HMBOX1: variants seen among roughly 807,000 people sequenced by gnomAD.
HMBOX1 encodes the protein homeobox-containing protein 1.
In HMBOX1, 14 loss-of-function variants were observed where a neutral mutation model predicts 54.5. That is an observed-to-expected ratio of 0.26 (90% CI 0.17 to 0.40). HMBOX1 has a LOEUF of 0.40. HMBOX1 is among the 10% of genes least tolerant of loss of function. HMBOX1 has a pLI of 1.00. For synonymous variants in HMBOX1, 160 were observed against 181.0 expected (o/e 0.88, Z 0.93); for missense variants, 332 against 514.4 (o/e 0.65, Z 3.43).
intron 1 of HMBOX1, among the ~76,000 whole-genome samples, chr8:28,941,147 C>G (rs1425730378): frequency 6.6e-6 from 1 of 152,072 alleles, no homozygotes; most frequent in Non-Finnish European, 1.5e-5. Flanking sequence ...TCAGAAAGCT[C>G]TATGGTTTCA....
intron 1 of HMBOX1, among the ~76,000 whole-genome samples, chr8:28,901,329 A>G (rs1021462200): frequency 1.3e-5 from 2 of 151,994 alleles, no homozygotes; most frequent in Non-Finnish European, 2.9e-5. Flanking sequence ...AATTTTTTCT[A>G]TACAAGTGTT....
At chr8:28,897,139 C>T (rs1164394689) in intron 1 of HMBOX1, among the ~76,000 whole-genome samples, 1 of 152,028 alleles carries the variant, frequency 6.6e-6, no homozygotes, top group Non-Finnish European at 1.5e-5. Context: ...GCATGCGCCA[C>T]CATGCCCGGC....
chr8:29,038,225 T>A (rs1237148111), intron 6 of HMBOX1, among the ~76,000 whole-genome samples: 1 of 152,212 alleles, frequency 6.6e-6, no homozygotes, highest in East Asian at 1.9e-4. Context: ...TCATCTCTTA[T>A]AAATTATTTT....
chr8:29,025,876 C>T (rs999132612), intron 6 of HMBOX1, among the ~76,000 whole-genome samples: 1 of 152,104 alleles, frequency 6.6e-6, no homozygotes, highest in African/African-American at 2.4e-5. Context: ...CTATACCTTT[C>T]TGGTTTATTT....
chr8:28,901,535 A>G (rs1813229336), intron 1 of HMBOX1, among the ~76,000 whole-genome samples: 1 of 152,158 alleles, frequency 6.6e-6, no homozygotes, highest in African/African-American at 2.4e-5. Flanking sequence ...TATTGTCTAT[A>G]GTTGCCATCC....
At position 29,051,299 on chromosome 8, in the gene HMBOX1, T is replaced by C; in HGVS notation, c.*144T>C. On this transcript the variant is annotated 3_prime_UTR_variant, in exon 10 of 10. Coordinates refer to ENST00000287701, the MANE Select transcript of HMBOX1 (RefSeq NM_001135726.3). ...CTGTTAGGGTCTTGTTCTGTGAAGA[T>C]GGCATGGTGCCCTCAGCCTTTGCAT... The C allele has an allele frequency of 1.2e-6, 1 of 833,966 alleles. No individual in the cohort carries two copies. The highest frequency in any genetic ancestry group is 1.7e-5 in the South Asian group (1 of 58,336). The allele number at this position is 833,966 out of a possible 1,614,324, so 51.7% of individuals were successfully genotyped here.
At chr8:28,994,173 A>C (rs1225345958) in intron 4 of HMBOX1, among the ~76,000 whole-genome samples, 4 of 151,608 alleles carry the variant, frequency 2.6e-5, no homozygotes, top group Admixed American at 1.3e-4. Flanking sequence ...TCACCAAAAA[A>C]AAAAAAAGGC....
At chr8:28,958,246 C>T (rs886475786) in intron 1 of HMBOX1, among the ~76,000 whole-genome samples, 6 of 152,166 alleles carry the variant, frequency 3.9e-5, no homozygotes, top group Non-Finnish European at 8.8e-5. Flanking sequence ...GGATTACAAA[C>T]GTGAGCCACT....
intron 4 of HMBOX1, among the ~76,000 whole-genome samples, chr8:28,990,086 AT>A (rs904797207): frequency 3.9e-5 from 6 of 152,022 alleles, no homozygotes; most frequent in African/African-American, 1.4e-4. Flanking sequence ...GCTTTAAAAC[AT>A]TTTTTTTGTT....
At chr8:29,003,392 G>T (rs1832924609) in intron 4 of HMBOX1, among the ~76,000 whole-genome samples, 1 of 150,886 alleles carries the variant, frequency 6.6e-6, no homozygotes, top group Non-Finnish European at 1.5e-5. Context: ...GATTTACAAT[G>T]TACTATATGA....
At position 28,963,905 on chromosome 8, in the gene HMBOX1, CTTTTTGA is replaced by C. The variant is rs1190429439; in HGVS notation, c.23+21_23+27del. 1.3e-6 allele frequency: 2 copies of C among 1,590,336 alleles called. No homozygotes were observed. Among genetic ancestry groups the C allele is most frequent in the African/African-American group, 2.7e-5 (2 of 74,564 alleles). ...TTTCCAGTGGTGTAAGTATCAAGTC[CTTTTTGA>C]TTTTTATCTTCACAATCATTTTAGT... is the stretch of plus-strand genomic sequence containing the variant. On this transcript the variant is annotated intron_variant, in intron 2 of 9. Coordinates refer to ENST00000287701, the MANE Select transcript of HMBOX1 (RefSeq NM_001135726.3).
At chr8:28,906,540 G>C (rs1056576310) in intron 1 of HMBOX1, among the ~76,000 whole-genome samples, 3 of 152,080 alleles carry the variant, frequency 2.0e-5, no homozygotes, top group African/African-American at 7.2e-5. Context: ...CAAACATGAC[G>C]TATGTAGAGA....
intron 1 of HMBOX1, among the ~76,000 whole-genome samples, chr8:28,954,492 C>G (rs1223702631): frequency 6.6e-6 from 1 of 152,126 alleles, no homozygotes; most frequent in Non-Finnish European, 1.5e-5. Context: ...CTTCTTTCTT[C>G]CCTGATTTAA....
In HMBOX1 at chr8:29,051,061, T is replaced by C; in HGVS notation, c.1169T>C (p.Leu390Ser). The change falls in exon 10 of 10, where the codon TTA (leucine) becomes TCA (serine). Residue 390 changes from leucine (L) to serine (S), a missense_variant. Leu to Ser is a moderately radical substitution (Grantham distance 145, BLOSUM62 -2). Coordinates refer to ENST00000287701, the MANE Select transcript of HMBOX1 (RefSeq NM_001135726.3). ...SHSDHQDPISLAVEMAAVNHT... is the reference protein window; with the variant it reads ...SHSDHQDPISSAVEMAAVNHT... The stretch of plus-strand genomic sequence containing the variant: ...AGTGACCACCAAGACCCCATCTCAT[T>C]AGCTGTGGAAATGGCAGCAGTCAAC... The C allele has an allele frequency of 1.2e-6, 2 of 1,613,348 alleles. No individual in the cohort carries two copies. Among genetic ancestry groups the C allele is most frequent in the Non-Finnish European group, 1.7e-6 (2 of 1,179,830 alleles).
rs10699056 is a variant in HMBOX1 at position 28,926,304 on chromosome 8, T to TACACACACACACACAC, written c.-58+35630_-58+35645dup. ...GCAGATATATATATATATATATATATACACACACACACACACACATATATT... is the reference window on the plus strand; with the variant it reads ...GCAGATATATATATATATATATATATACACACACACACACACACACACACACACACACACATATATT... On this transcript the variant is annotated intron_variant, in intron 1 of 9. Coordinates refer to ENST00000287701, the MANE Select transcript of HMBOX1 (RefSeq NM_001135726.3). Among the ~76,000 whole-genome samples, 178 of 142,208 alleles carry TACACACACACACACAC rather than the reference T, an allele frequency of 1.3e-3. 1 individual carries two copies. The highest frequency in any genetic ancestry group is 4.5e-3 in the African/African-American group (172 of 37,836). The allele number at this position is 142,208 out of a possible 152,430, so 93.3% of individuals were successfully genotyped here. A position where few individuals can be genotyped will look rare whatever the true frequency, so the allele number is the denominator to read the frequency against.
At chr8:29,024,409 TA>T (rs1801692427) in intron 6 of HMBOX1, among the ~76,000 whole-genome samples, 1 of 152,196 alleles carries the variant, frequency 6.6e-6, no homozygotes, top group Admixed American at 6.5e-5. Context: ...AATTATACCG[TA>T]AGTGTTGGCA....
intron 1 of HMBOX1, among the ~76,000 whole-genome samples, chr8:28,907,348 C>T (rs1814534606): frequency 6.6e-6 from 1 of 152,102 alleles, no homozygotes; most frequent in African/African-American, 2.4e-5. Context: ...TCACTTATCT[C>T]CTAGTTTTAC....
In HMBOX1 at chr8:28,970,716, C is replaced by T. The variant is rs1048951142; in HGVS notation, c.500+197C>T. 2.1e-6 allele frequency: 1 copy of T among 483,332 alleles called. No homozygotes were observed. Among genetic ancestry groups the T allele is most frequent in the Non-Finnish European group, 3.6e-6 (1 of 276,560 alleles). The allele number at this position is 483,332 out of a possible 1,614,324, so 29.9% of individuals were successfully genotyped here. ...TTTATGTTTTTAATTTAAATTTTCT[C>T]TTCTTTACTTCAGCCCTTTCTCTTT... On this transcript the variant is annotated intron_variant, in intron 3 of 9. Coordinates refer to ENST00000287701, the MANE Select transcript of HMBOX1 (RefSeq NM_001135726.3). This position sits in a 1 kb window ranked among gnomAD's most constrained non-coding sequence, Gnocchi z 4.3.
chr8:28,900,271 A>ATATGTATAT (rs1554519262), intron 1 of HMBOX1, among the ~76,000 whole-genome samples: 2 of 70,334 alleles, frequency 2.8e-5, no homozygotes, highest in Non-Finnish European at 5.8e-5. Context: ...AAAAAAAAAA[A>ATATGTATAT]ATATATATAT....
Sources: gnomAD v4.1 joint callset for allele counts (sites outside exome capture counted in the v4.1 genomes callset) on GRCh38, gnomAD v4.1.1 for gene constraint, Gnocchi (gnomAD v3.1) non-coding constraint, MANE v1.5 for transcripts, NCBI Gene and HGNC (gene_info 2026-07-23, HGNC 2026-07-21) for gene names.